Variants in EPHA4 observed in about 807,000 individuals in gnomAD.
EPHA4 encodes EPH receptor A4.
In EPHA4, 19 loss-of-function variants were observed where a neutral mutation model predicts 108.3. That is an observed-to-expected ratio of 0.18 (90% CI 0.12 to 0.26). The LOEUF (loss-of-function observed/expected upper bound fraction) is 0.26, where lower values mean the gene tolerates loss of function less well. EPHA4 is among the 10% of genes least tolerant of loss of function. The probability of loss-of-function intolerance (pLI) is 1.00; values close to 1 mark genes in which losing one functional copy is unlikely to be tolerated. For synonymous variants in EPHA4, 449 were observed against 455.5 expected (o/e 0.99, Z 0.18); for missense variants, 917 against 1,254.0 (o/e 0.73, Z 4.06).
At chr2:221,570,831 T>C (rs180734549) in intron 1 of EPHA4, among the ~76,000 whole-genome samples, 1 of 149,100 alleles carries the variant, frequency 6.7e-6, no homozygotes, top group African/African-American at 2.5e-5. Context: ...CGGACAGATA[T>C]ATGGATGGAT....
chr2:221,438,726 A>G (rs185898853), intron 11 of EPHA4, among the ~76,000 whole-genome samples: 2 of 152,256 alleles, frequency 1.3e-5, no homozygotes, highest in East Asian at 3.9e-4. Context: ...CAGAGGTTGC[A>G]GTGAGCCGAG....
At position 221,557,083 on chromosome 2, in the gene EPHA4, G is replaced by C. The variant is rs1440597399; in HGVS notation, c.823+6648C>G. 2.0e-5 allele frequency among the ~76,000 whole-genome samples: 3 copies of C among 152,234 alleles called. No individual in the cohort carries two copies. The South Asian group carries it at 6.2e-4, about 32-fold the overall frequency. ...ACTCATGAGAGAATTAGAAAAAAAA[G>C]GCAAATAACATCTTAGTGTTATTAA... is the stretch of plus-strand genomic sequence containing the variant. On this transcript the variant is annotated intron_variant, in intron 3 of 17. Coordinates refer to ENST00000281821, the MANE Select transcript of EPHA4 (RefSeq NM_004438.5).
intron 5 of EPHA4, among the ~76,000 whole-genome samples, chr2:221,471,702 C>T (rs947503207): frequency 2.6e-5 from 4 of 151,998 alleles, no homozygotes; most frequent in Non-Finnish European, 2.9e-5. Context: ...AATATATTAC[C>T]AGCCCCTTGG....
intron 3 of EPHA4, among the ~76,000 whole-genome samples, chr2:221,541,982 A>G (rs1439543433): frequency 6.6e-6 from 1 of 152,232 alleles, no homozygotes. Flanking sequence ...ATATGATTTT[A>G]TACTCTTATT....
rs1162552248 is a variant in EPHA4 at position 221,571,085 on chromosome 2, C to A, written c.91+1073G>T. Reference sequence around the variant, plus strand: ...GGACATCTGCGCACAGACATACAATCCTCCGCGTCCGCTTCCACGCAGGCA... The same window carrying A: ...GGACATCTGCGCACAGACATACAATACTCCGCGTCCGCTTCCACGCAGGCA... On this transcript the variant is annotated intron_variant, in intron 1 of 17. Transcript: ENST00000281821. This position sits in a 1 kb window ranked among gnomAD's most constrained non-coding sequence, Gnocchi z 6.3. Among the ~76,000 whole-genome samples the A allele has an allele frequency of 6.6e-6, 1 of 151,994 alleles. No individual in the cohort carries two copies. Among genetic ancestry groups the A allele is most frequent in the African/African-American group, 2.4e-5 (1 of 41,380 alleles).
chr2:221,444,108 G>A (rs1574567786), intron 9 of EPHA4, among the ~76,000 whole-genome samples: 1 of 152,188 alleles, frequency 6.6e-6, no homozygotes, highest in East Asian at 1.9e-4. Flanking sequence ...AGTTAAAGTA[G>A]ACAATAAGGT....
In EPHA4 at chr2:221,566,854, GAGAAGAAGAAGAAGAAGA is replaced by G. The variant is rs769632541; in HGVS notation, c.159+1846_159+1863del. Among the ~76,000 whole-genome samples the G allele has an allele frequency of 5.4e-4, 29 of 53,272 alleles. 1 individual carries two copies. Among genetic ancestry groups the G allele is most frequent in the Admixed American group, 1.4e-3 (6 of 4,198 alleles). 34.9% of individuals were successfully genotyped at this position (53,272 alleles called of 152,430 possible). A position where few individuals can be genotyped will look rare whatever the true frequency, so the allele number is the denominator to read the frequency against. On this transcript the variant is annotated intron_variant, in intron 2 of 17. Transcript: ENST00000281821. Reference sequence around the variant, plus strand: ...GAAGGAGAAGAAGGAGAAGGAGAAGGAGAAGAAGAAGAAGAAGAAGAAGGAGAAGGAGAAGGAGAAGGA... The same window carrying G: ...GAAGGAGAAGAAGGAGAAGGAGAAGGAGAAGGAGAAGGAGAAGGAGAAGGA...
chr2:221,474,640 C>T (rs3770152), intron 5 of EPHA4, among the ~76,000 whole-genome samples: 29,306 of 152,004 alleles, frequency 0.19, 3,501 homozygotes, highest in Non-Finnish European at 0.26. Flanking sequence ...ACTGAGGATG[C>T]GCAAACAACG....
chr2:221,478,286 T>C (rs1257564053), intron 5 of EPHA4, among the ~76,000 whole-genome samples: 1 of 152,146 alleles, frequency 6.6e-6, no homozygotes, highest in African/African-American at 2.4e-5. Flanking sequence ...ACAGTATTTC[T>C]CCCTCCTAGT....
intron 3 of EPHA4, among the ~76,000 whole-genome samples, chr2:221,529,525 G>A (rs1354562165): frequency 1.3e-5 from 2 of 152,168 alleles, no homozygotes; most frequent in Non-Finnish European, 2.9e-5. Context: ...CAGGCAGAGA[G>A]GGAGTTGATT....
intron 4 of EPHA4, among the ~76,000 whole-genome samples, chr2:221,485,718 A>T (rs1452843243): frequency 6.6e-6 from 1 of 152,142 alleles, no homozygotes; most frequent in East Asian, 1.9e-4. Context: ...AAAAGATTAC[A>T]AATATATAAG....
At chr2:221,529,186 G>GA (rs1000095575) in intron 3 of EPHA4, among the ~76,000 whole-genome samples, 226 of 150,862 alleles carry the variant, frequency 1.5e-3, no homozygotes, top group African/African-American at 5.1e-3. Context: ...CTTGACATCA[G>GA]AAAAAAAAAG....
At chr2:221,426,401 C>CA (rs1390364571) in intron 16 of EPHA4, 63 bp downstream of exon 16, 6 of 1,531,068 alleles carry the variant, frequency 3.9e-6, no homozygotes, top group Admixed American at 2.2e-5. Flanking sequence ...CAGCTCAAAG[C>CA]AAAAAAAGAA....
Position 221,483,883 on chromosome 2 carries a change from T to C in EPHA4, c.980-1193A>G, listed in dbSNP as rs190530330. Among the ~76,000 whole-genome samples the C allele has an allele frequency of 1.6e-4, 24 of 152,142 alleles. No individual in the cohort carries two copies. The East Asian group carries it at 4.1e-3, about 26-fold the overall frequency. On this transcript the variant is annotated intron_variant, in intron 4 of 17. Coordinates refer to ENST00000281821, the MANE Select transcript of EPHA4 (RefSeq NM_004438.5). ...TCAGGCTGGGAGAAGGGAGAGGGAA[T>C]TTTCTTGGTCTGAACCAGTTCCAAA...
chr2:221,474,529 C>T (rs1025458956), intron 5 of EPHA4, among the ~76,000 whole-genome samples: 2 of 151,608 alleles, frequency 1.3e-5, no homozygotes, highest in Non-Finnish European at 2.9e-5. Flanking sequence ...AATGAGAAAA[C>T]CACAGCCTGG....
chr2:221,500,312 A>G (rs1439963009), intron 4 of EPHA4, among the ~76,000 whole-genome samples: 1 of 152,126 alleles, frequency 6.6e-6, no homozygotes, highest in Non-Finnish European at 1.5e-5. Context: ...ATGGAAATTC[A>G]TGGGCCCAGT....
intron 11 of EPHA4, among the ~76,000 whole-genome samples, chr2:221,441,474 C>T (rs766418917): frequency 1.3e-5 from 2 of 152,008 alleles, no homozygotes; most frequent in Non-Finnish European, 2.9e-5. Flanking sequence ...CCGCTGAGAG[C>T]CACCTCCATC....
At chr2:221,561,598 T>C (rs2106207323) in intron 3 of EPHA4, among the ~76,000 whole-genome samples, 1 of 152,274 alleles carries the variant, frequency 6.6e-6, no homozygotes, top group East Asian at 1.9e-4. Flanking sequence ...CCTAAATTCC[T>C]CCCCTTCGAG....
At chr2:221,528,687 G>A (rs1315687077) in intron 3 of EPHA4, among the ~76,000 whole-genome samples, 2 of 152,138 alleles carry the variant, frequency 1.3e-5, no homozygotes, top group African/African-American at 4.8e-5. Flanking sequence ...CAGCCAGCAG[G>A]AGCAGAAACT....
Sources: gnomAD v4.1 joint callset for allele counts (sites outside exome capture counted in the v4.1 genomes callset) on GRCh38, gnomAD v4.1.1 for gene constraint, Gnocchi (gnomAD v3.1) non-coding constraint, MANE v1.5 for transcripts, NCBI Gene and HGNC (gene_info 2026-07-23, HGNC 2026-07-21) for gene names.